Variants in RARB observed in about 807,000 individuals in gnomAD.
RARB encodes the protein retinoic acid receptor beta.
A neutral mutation model predicts 51.9 loss-of-function variants in RARB; 17 were observed. That is an observed-to-expected ratio of 0.33 (90% CI 0.22 to 0.49). RARB has a LOEUF of 0.49. Among genes scored for constraint, RARB ranks in the 20% least tolerant of loss-of-function variants. The pLI, the probability that RARB is intolerant of heterozygous loss-of-function variation, is 0.99. For synonymous variants in RARB, 215 were observed against 195.4 expected, an observed-to-expected ratio of 1.10 and a Z score of -0.84; for missense variants, 369 against 550.8, an observed-to-expected ratio of 0.67 and a Z score of 3.30.
intron 5 of RARB, among the ~76,000 whole-genome samples, chr3:25,216,753 C>CAT (rs560897572): frequency 6.1e-4 from 91 of 150,234 alleles, no homozygotes; most frequent in Non-Finnish European, 1.1e-3. Context: ...ATATCTAGTA[C>CAT]ATATATATAT....
intron 2 of RARB, among the ~76,000 whole-genome samples, chr3:25,493,848 A>C (rs879908406): frequency 2.6e-5 from 4 of 152,214 alleles, no homozygotes; most frequent in Admixed American, 6.5e-5. Context: ...GACACATTCC[A>C]CACATGTTAA....
intron 5 of RARB, among the ~76,000 whole-genome samples, chr3:25,356,809 C>T (rs1372058226): frequency 6.6e-6 from 1 of 152,090 alleles, no homozygotes; most frequent in Non-Finnish European, 1.5e-5. Flanking sequence ...ATGATGGTTT[C>T]CAGCTTCATC....
intron 1 of RARB, among the ~76,000 whole-genome samples, chr3:25,450,004 A>G (rs375104239): frequency 2.0e-5 from 3 of 152,286 alleles, no homozygotes; most frequent in East Asian, 3.9e-4. Flanking sequence ...CACCCGCCAC[A>G]ACCTCCCAAG....
At chr3:25,401,638 G>T (rs1271741231) in intron 5 of RARB, among the ~76,000 whole-genome samples, 1 of 152,140 alleles carries the variant, frequency 6.6e-6, no homozygotes, top group Non-Finnish European at 1.5e-5. Context: ...AAGATCTTAG[G>T]CTTAGTAGCA....
chr3:25,071,036 C>A (rs1698756658), intron 3 of RARB, among the ~76,000 whole-genome samples: 1 of 152,078 alleles, frequency 6.6e-6, no homozygotes, highest in Non-Finnish European at 1.5e-5. Flanking sequence ...GTCTTGAGTG[C>A]CACAAAGAGA....
At position 25,222,104 on chromosome 3, in the gene RARB, G is replaced by A. The variant is rs115657157; in HGVS notation, c.178+47529G>A. On this transcript the variant is annotated intron_variant, in intron 5 of 11. Coordinates refer to the RARB transcript ENST00000383772. Reference sequence around the variant, plus strand: ...CACTGGCGTGACCTGTCATTCTAATGATGCATTAGTGTAATTCATCAACAG... The same window carrying A: ...CACTGGCGTGACCTGTCATTCTAATAATGCATTAGTGTAATTCATCAACAG... Among the ~76,000 whole-genome samples the A allele has an allele frequency of 4.1e-3, 630 of 152,278 alleles. 5 individuals carry two copies. Among genetic ancestry groups the A allele is most frequent in the African/African-American group, 0.014 (589 of 41,554 alleles).
intron 2 of RARB, among the ~76,000 whole-genome samples, chr3:25,495,304 G>T (rs1696969519): frequency 6.6e-6 from 1 of 152,162 alleles, no homozygotes; most frequent in Admixed American, 6.5e-5. Flanking sequence ...GGAGGGAGAT[G>T]AACCACTTTT....
intron 5 of RARB, among the ~76,000 whole-genome samples, chr3:25,359,894 A>G (rs1004804660): frequency 2.6e-5 from 4 of 152,136 alleles, no homozygotes; most frequent in Non-Finnish European, 4.4e-5. Flanking sequence ...TTTACTTCCA[A>G]TTATGTGGTT....
intron 4 of RARB, among the ~76,000 whole-genome samples, chr3:25,146,498 TGTTTG>T (rs1700192878): frequency 2.4e-5 from 3 of 125,172 alleles, no homozygotes; most frequent in South Asian, 2.4e-4. Flanking sequence ...CTAAGTTTTT[TGTTTG>T]TTTGTTTGTT....
chr3:24,991,399 C>G (rs923595471), intron 2 of RARB, among the ~76,000 whole-genome samples: 1 of 151,010 alleles, frequency 6.6e-6, no homozygotes, highest in Non-Finnish European at 1.5e-5. Context: ...GCTGAGATCA[C>G]TCCATTGCAT....
intron 3 of RARB, among the ~76,000 whole-genome samples, chr3:25,114,481 T>A (rs1210016231): frequency 6.6e-6 from 1 of 152,210 alleles, no homozygotes; most frequent in African/African-American, 2.4e-5. Context: ...TGTAGGGATT[T>A]TACTTTGTGC....
At chr3:25,093,014 C>G (rs570236257) in intron 3 of RARB, among the ~76,000 whole-genome samples, 26 of 152,214 alleles carry the variant, frequency 1.7e-4, no homozygotes, top group African/African-American at 6.3e-4. Flanking sequence ...CATTCCATCC[C>G]TACTTAGAGC....
chr3:25,083,596 T>C (rs1244588300), intron 3 of RARB, among the ~76,000 whole-genome samples: 4 of 152,218 alleles, frequency 2.6e-5, no homozygotes, highest in African/African-American at 9.6e-5. Context: ...TTTGAAATCA[T>C]TGTTCACTAA....
chr3:25,547,890 C>T (rs1394354014), intron 3 of RARB, among the ~76,000 whole-genome samples: 1 of 152,024 alleles, frequency 6.6e-6, no homozygotes, highest in African/African-American at 2.4e-5. Context: ...TTACATAAGT[C>T]ATTGTAGTCT....
intron 5 of RARB, among the ~76,000 whole-genome samples, chr3:25,589,841 C>T (rs1483277536): frequency 6.6e-6 from 1 of 152,248 alleles, no homozygotes; most frequent in Non-Finnish European, 1.5e-5. Flanking sequence ...CTCGTGGGGC[C>T]TGCATGCCGG....
chr3:24,924,974 A>T (rs1375502506), intron 2 of RARB, among the ~76,000 whole-genome samples: 1 of 152,112 alleles, frequency 6.6e-6, no homozygotes, highest in South Asian at 2.1e-4. Flanking sequence ...ATGCAAGCTT[A>T]TATCACCTGT....
At chr3:25,124,748 T>G (rs1459854773) in intron 3 of RARB, among the ~76,000 whole-genome samples, 1 of 152,244 alleles carries the variant, frequency 6.6e-6, no homozygotes, top group Non-Finnish European at 1.5e-5. Flanking sequence ...TTTTCCCATT[T>G]GATTTATGGT....
chr3:25,146,954 C>G (rs547911415), intron 4 of RARB, among the ~76,000 whole-genome samples: 1 of 152,218 alleles, frequency 6.6e-6, no homozygotes, highest in Non-Finnish European at 1.5e-5. Context: ...GGTAGACTTG[C>G]CAGAAATGTT....
At chr3:25,465,166 G>C (rs1175936802) in intron 2 of RARB, among the ~76,000 whole-genome samples, 1 of 152,128 alleles carries the variant, frequency 6.6e-6, no homozygotes, top group Non-Finnish European at 1.5e-5. Flanking sequence ...TTATTGTCTA[G>C]TAGTCTGTAA....
Sources: gnomAD v4.1 joint callset for allele counts (sites outside exome capture counted in the v4.1 genomes callset) on GRCh38, gnomAD v4.1.1 for gene constraint, MANE v1.5 for transcripts, NCBI Gene and HGNC (gene_info 2026-07-23, HGNC 2026-07-21) for gene names.